Variants in RAB11FIP4 observed in about 807,000 individuals in gnomAD.
RAB11FIP4 encodes the protein rab11 family-interacting protein 4.
Under a neutral mutation model 74.3 loss-of-function variants are expected in RAB11FIP4, and 23 were observed. That is an observed-to-expected ratio of 0.31 (90% CI 0.22 to 0.44). The LOEUF (loss-of-function observed/expected upper bound fraction) is 0.44, where lower values mean the gene tolerates loss of function less well. RAB11FIP4 is among the 20% of genes least tolerant of loss of function. RAB11FIP4 has a pLI of 1.00. For missense variants in RAB11FIP4, 630 were observed against 863.9 expected (o/e 0.73, Z 3.39); for synonymous variants, 360 against 359.9 (o/e 1.00, Z 0.00).
intron 3 of RAB11FIP4, chr17:31,487,910 C>T: frequency 2.4e-6 from 1 of 411,298 alleles, no homozygotes. Flanking sequence ...GGCGGGGTTA[C>T]CTGGGCCCCG....
chr17:31,468,310 C>T (rs1017600389), intron 3 of RAB11FIP4, among the ~76,000 whole-genome samples: 1 of 152,182 alleles, frequency 6.6e-6, no homozygotes, highest in African/African-American at 2.4e-5. Context: ...AGACACATGC[C>T]ACCACTGTTC....
intron 3 of RAB11FIP4, among the ~76,000 whole-genome samples, chr17:31,516,700 C>T (rs1400860232): frequency 6.6e-6 from 1 of 152,222 alleles, no homozygotes; most frequent in East Asian, 1.9e-4. Context: ...GATCTCCTGA[C>T]CTCGTGATCT....
intron 3 of RAB11FIP4, among the ~76,000 whole-genome samples, chr17:31,441,731 T>C (rs1027274751): frequency 2.0e-5 from 3 of 152,010 alleles, no homozygotes; most frequent in African/African-American, 7.2e-5. Flanking sequence ...TTTCACTATG[T>C]TGGCCAGGCT....
chr17:31,393,993 T>C (rs2342052), intron 1 of RAB11FIP4, among the ~76,000 whole-genome samples: 76,100 of 151,916 alleles, frequency 0.5, 20,681 homozygotes, highest in Middle Eastern at 0.62. Context: ...GCACTCTGCT[T>C]ATATTAAGTT....
At chr17:31,447,665 C>T (rs141661777) in intron 3 of RAB11FIP4, among the ~76,000 whole-genome samples, 126 of 151,318 alleles carry the variant, frequency 8.3e-4, no homozygotes, top group African/African-American at 2.4e-3. Flanking sequence ...TGGGATTACA[C>T]ACGCGCACCC....
At position 31,453,416 on chromosome 17, in the gene RAB11FIP4, A is replaced by G. The variant is rs1423940923; in HGVS notation, c.336+19294A>G. ...GAGAGTTTGGGACCTTTGGAGTCCA[A>G]GAGTTCTGAGTTTGAATCCTGATGC... On this transcript the variant is annotated intron_variant, in intron 3 of 14. Coordinates refer to ENST00000621161, the MANE Select transcript of RAB11FIP4 (RefSeq NM_032932.6). 6.7e-5 allele frequency among the ~76,000 whole-genome samples: 10 copies of G among 150,040 alleles called. No individual in the cohort carries two copies. In the Admixed American group the frequency reaches 6.7e-4, roughly 10 times the overall value.
chr17:31,527,896 C>A lies in RAB11FIP4; in HGVS notation c.1329C>A (p.Leu443=). The A allele has an allele frequency of 6.2e-7, 1 of 1,604,434 alleles. No individual in the cohort carries two copies. The highest frequency in any genetic ancestry group is 2.2e-5 in the East Asian group (1 of 44,710). ...NTELRTTVTR[L]KSQTEKLDEE... is the part of the protein sequence containing the mutation. The stretch of plus-strand genomic sequence containing the variant: ...AGCTTAGAACAACAGTGACTCGGCT[C>A]AAGTCTCAAACAGAGAAACTGGATG... The change falls in exon 11 of 15, where the codon CTC becomes CTA. Residue 443 remains leucine, a synonymous_variant. Coordinates refer to ENST00000621161, the MANE Select transcript of RAB11FIP4 (RefSeq NM_032932.6).
chr17:31,487,929 C>A, intron 3 of RAB11FIP4: 1 of 590,760 alleles, frequency 1.7e-6, no homozygotes, highest in East Asian at 1.4e-4. Flanking sequence ...CGCCCCGCGG[C>A]TCGGGTTCCG....
chr17:31,517,589 T>C (rs1210221373), intron 3 of RAB11FIP4, 62 bp from the exon 4 acceptor site: 2 of 1,486,680 alleles, frequency 1.3e-6, no homozygotes, highest in Non-Finnish European at 1.8e-6. Flanking sequence ...TGTGGTCTGA[T>C]TGGAACACTG....
intron 1 of RAB11FIP4, among the ~76,000 whole-genome samples, chr17:31,422,976 G>A (rs912622216): frequency 2.8e-5 from 4 of 143,792 alleles, no homozygotes; most frequent in Non-Finnish European, 6.0e-5. Flanking sequence ...CTGGAGTGCA[G>A]TGGCACGATC....
chr17:31,480,171 G>A (rs928483921), intron 3 of RAB11FIP4, among the ~76,000 whole-genome samples: 12 of 151,958 alleles, frequency 7.9e-5, no homozygotes, highest in Non-Finnish European at 1.6e-4. Context: ...TGCTCCACAC[G>A]GCCTCTCACC....
intron 3 of RAB11FIP4, among the ~76,000 whole-genome samples, chr17:31,495,366 ATTTT>A (rs3058694): frequency 2.6e-3 from 216 of 83,148 alleles, no homozygotes; most frequent in African/African-American, 8.0e-3. Context: ...CACTTGACTG[ATTTT>A]TTTTTTTTTT....
intron 4 of RAB11FIP4, among the ~76,000 whole-genome samples, chr17:31,519,763 C>T (rs987980858): frequency 6.6e-6 from 1 of 151,970 alleles, no homozygotes; most frequent in East Asian, 1.9e-4. Flanking sequence ...TCAAGTGATT[C>T]TCAGAGTCCT....
intron 3 of RAB11FIP4, among the ~76,000 whole-genome samples, chr17:31,447,903 C>G (rs989214547): frequency 6.6e-6 from 1 of 152,068 alleles, no homozygotes; most frequent in African/African-American, 2.4e-5. Context: ...TCACTGCAAC[C>G]TCCACCTCCC....
chr17:31,531,656 G>A lies in RAB11FIP4; in HGVS notation c.1838G>A (p.Arg613Gln), dbSNP rs776069958. 1.9e-6 allele frequency: 3 copies of A among 1,614,048 alleles called. No homozygotes were observed. The highest frequency in any genetic ancestry group is 1.7e-5 in the Admixed American group (1 of 60,018). Residue 613 changes from arginine (R) to glutamine (Q), a missense_variant, in exon 15 of 15, where the codon CGG (arginine) becomes CAG (glutamine). By Grantham distance (43) the Arg-to-Gln change is conservative. Coordinates refer to ENST00000621161, the MANE Select transcript of RAB11FIP4 (RefSeq NM_032932.6). ...AAGGAGCAGGAGGAGATCAACTTCC[G>A]GCTGAGGCAGTACATGGACAAGATT... ...ALKEQEEINF[R>Q]LRQYMDKIIL...
chr17:31,469,653 G>A (rs565196218), intron 3 of RAB11FIP4, among the ~76,000 whole-genome samples: 6 of 146,656 alleles, frequency 4.1e-5, no homozygotes, highest in South Asian at 4.3e-4. Context: ...AAAAAAAAGC[G>A]AGACTATATC....
At chr17:31,451,876 C>T (rs1439207713) in intron 3 of RAB11FIP4, among the ~76,000 whole-genome samples, 2 of 151,868 alleles carry the variant, frequency 1.3e-5, no homozygotes, top group Admixed American at 6.6e-5. Context: ...CTTGAGTATG[C>T]ACCACTGTTA....
intron 3 of RAB11FIP4, among the ~76,000 whole-genome samples, chr17:31,493,572 T>A (rs2072054907): frequency 6.6e-6 from 1 of 152,170 alleles, no homozygotes; most frequent in South Asian, 2.1e-4. Context: ...CCCTGCCCCC[T>A]GCTCCCTCGT....
intron 3 of RAB11FIP4, among the ~76,000 whole-genome samples, chr17:31,437,935 CT>C (rs2071375063): frequency 6.6e-6 from 1 of 152,190 alleles, no homozygotes; most frequent in Non-Finnish European, 1.5e-5. Context: ...GTGGCTCCAC[CT>C]GCGTCCCCAG....
Sources: allele counts gnomAD v4.1 joint callset (sites outside exome capture counted in the v4.1 genomes callset), GRCh38; gene constraint gnomAD v4.1.1; transcripts MANE v1.5; gene names NCBI Gene and HGNC (gene_info 2026-07-23, HGNC 2026-07-21).